Variants in CBX3 observed in about 807,000 individuals in gnomAD.
The protein encoded by CBX3 is chromobox 3, also known as chromobox protein homolog 3.
CBX3 carries 5 observed loss-of-function variants against 22.6 expected under a neutral mutation model. That is an observed-to-expected ratio of 0.22 (90% confidence interval 0.12 to 0.47). CBX3 has a LOEUF of 0.47. Ranked by LOEUF, CBX3 falls within the 20% of genes least tolerant of loss-of-function variation. The pLI is 0.99. For synonymous variants in CBX3, 50 were observed against 66.6 expected (o/e 0.75, Z 1.21); for missense variants, 83 against 208.1 (o/e 0.40, Z 3.70).
Position 26,208,421 on chromosome 7 carries a change from A to T in CBX3, c.196A>T (p.Asn66Tyr). 1 of 1,612,190 alleles carries T rather than the reference A, an allele frequency of 6.2e-7. No homozygotes were observed. Among genetic ancestry groups the T allele is most frequent in the Non-Finnish European group, 8.5e-7 (1 of 1,178,856 alleles). The change falls in exon 4 of 6, where the codon AAT (asparagine) becomes TAT (tyrosine). Residue 66 changes from asparagine (N) to tyrosine (Y), a missense_variant. Physicochemically the swap from Asn to Tyr is moderately radical, Grantham distance 143. Coordinates refer to ENST00000396386, the MANE Select transcript of CBX3 (RefSeq NM_016587.4). ...TGACAATACTTGGGAACCTGAAGAA[A>T]ATTTAGATTGTCCAGAATTGATTGA... ...DADNTWEPEENLDCPELIEAF... is the reference protein window; with the variant it reads ...DADNTWEPEEYLDCPELIEAF...
intron 5 of CBX3, 96 bp downstream of exon 5, chr7:26,211,852 C>G (rs1784808258): frequency 2.1e-6 from 2 of 947,096 alleles, no homozygotes; most frequent in Non-Finnish European, 3.2e-6. Flanking sequence ...GAAAAACTAT[C>G]TGCTGAGAGG....
intron 4 of CBX3, among the ~76,000 whole-genome samples, chr7:26,209,167 A>G (rs368669851): frequency 6.6e-6 from 1 of 152,006 alleles, no homozygotes; most frequent in African/African-American, 2.4e-5. Context: ...TCGGCCTCCC[A>G]GAGTGCTGGG....
intron 1 of CBX3, chr7:26,202,701 T>C (rs1784570999): frequency 4.9e-6 from 2 of 411,248 alleles, no homozygotes; most frequent in Non-Finnish European, 8.7e-6. Flanking sequence ...GGGACTTAGA[T>C]TGGAAAAGAC....
At chr7:26,203,463 C>T (rs940701321) in intron 2 of CBX3, among the ~76,000 whole-genome samples, 7 of 152,296 alleles carry the variant, frequency 4.6e-5, no homozygotes, top group Admixed American at 2.0e-4. Context: ...GTCATTGAAT[C>T]TTTCAAATTA....
chr7:26,211,726 G>A lies in CBX3; in HGVS notation c.395G>A (p.Ser132Asn). The change falls in exon 5 of 6, where the codon AGC becomes AAC. Residue 132 changes from serine (S) to asparagine (N), a missense_variant. Ser to Asn is a conservative substitution (Grantham distance 46, BLOSUM62 1). Around this residue, in one of 3 missense-constraint regions of CBX3, gnomAD observed 59 missense variants for 155.0 expected, o/e 0.38. Transcript: ENST00000396386. Reference protein sequence around the residue: ...DPERIIGATDSSGELMFLMKW... With the variant: ...DPERIIGATDNSGELMFLMKW... ...GAAAGAATAATTGGTGCCACAGACA[G>A]CAGTGGAGAATTGATGTTTCTCATG... 1 of 1,609,754 alleles carries A rather than the reference G, an allele frequency of 6.2e-7. No individual in the cohort carries two copies. The highest frequency in any genetic ancestry group is 1.1e-5 in the South Asian group (1 of 90,382).
chr7:26,207,064 ATACT>A (rs1230131522), intron 3 of CBX3, among the ~76,000 whole-genome samples: 4 of 152,182 alleles, frequency 2.6e-5, no homozygotes, highest in Non-Finnish European at 4.4e-5. Context: ...CAACAATTAC[ATACT>A]TTAACGCTTG....
In CBX3 at chr7:26,212,582, T is replaced by TTGTGTGTGTG. The variant is rs70943279; in HGVS notation, c.*396_*405dup. On this transcript the variant is annotated 3_prime_UTR_variant, in exon 6 of 6. Transcript: ENST00000396386. Reference sequence around the variant, plus strand: ...CCATTCTAGATTTATTACGTGTTTTTTGTGTGTGTGTGTGTGTGTGTGTGT... The same window carrying TTGTGTGTGTG: ...CCATTCTAGATTTATTACGTGTTTTTTGTGTGTGTGTGTGTGTGTGTGTGTGTGTGTGTGT... 2.2e-4 allele frequency: 24 copies of TTGTGTGTGTG among 109,144 alleles called. No homozygotes were observed. Among genetic ancestry groups the TTGTGTGTGTG allele is most frequent in the East Asian group, 1.4e-3 (5 of 3,632 alleles). The allele number at this position is 109,144 out of a possible 1,614,324, so 6.8% of individuals were successfully genotyped here.
Position 26,208,441 on chromosome 7 carries a change from G to A in CBX3, c.216G>A (p.Leu72=), listed in dbSNP as rs1258194910. Residue 72 remains leucine (L), a synonymous_variant, in exon 4 of 6, where the codon TTG becomes TTA. Transcript: ENST00000396386. ...AAGAAAATTTAGATTGTCCAGAATTGATTGAAGCGTTTCTTAACTCTCAGA... is the reference window on the plus strand; with the variant it reads ...AAGAAAATTTAGATTGTCCAGAATTAATTGAAGCGTTTCTTAACTCTCAGA... ...EPEENLDCPE[L]IEAFLNSQKA... is the part of the protein sequence containing the mutation. The A allele has an allele frequency of 6.2e-7, 1 of 1,613,512 alleles. No homozygotes were observed. The highest frequency in any genetic ancestry group is 8.5e-7 in the Non-Finnish European group (1 of 1,179,782).
chr7:26,206,306 C>T, intron 2 of CBX3, 62 bp from the exon 3 acceptor site: 1 of 1,164,820 alleles, frequency 8.6e-7, no homozygotes, highest in Non-Finnish European at 1.2e-6. Flanking sequence ...GCAATTGAGC[C>T]TTGAAAATGT....
chr7:26,208,948 T>G (rs989601659), intron 4 of CBX3, among the ~76,000 whole-genome samples: 1 of 130,342 alleles, frequency 7.7e-6, no homozygotes, highest in Non-Finnish European at 1.6e-5. Flanking sequence ...TTTTTTTTTT[T>G]TTTCCTGGGA....
At position 26,209,354 on chromosome 7, in the gene CBX3, T is replaced by C. The variant is rs573322129; in HGVS notation, c.330+799T>C. 2.0e-5 allele frequency among the ~76,000 whole-genome samples: 3 copies of C among 152,374 alleles called. No individual in the cohort carries two copies. In the East Asian group the frequency reaches 5.8e-4, roughly 29 times the overall value. On this transcript the variant is annotated intron_variant, in intron 4 of 5. Coordinates refer to ENST00000396386, the MANE Select transcript of CBX3 (RefSeq NM_016587.4). ...ATGTGCAGTAAGTGCTCATGCCACT[T>C]AGGTTGTGCTAGTGCAATTTTTCTT...
At chr7:26,212,017 G>T in intron 5 of CBX3, 65 bp from the exon 6 acceptor site, 1 of 1,381,202 alleles carries the variant, frequency 7.2e-7, no homozygotes, top group South Asian at 1.8e-5. Context: ...TTTCTTAAAT[G>T]AATGGCTGTC....
At chr7:26,208,004 A>C (rs576789570) in intron 3 of CBX3, 9 of 154,500 alleles carry the variant, frequency 5.8e-5, no homozygotes. Context: ...TGACACCAGG[A>C]ATTCAAGACC....
rs538561730 is a variant in CBX3, at chr7:26,206,468, A to G, written c.125A>G (p.Asn42Ser). The change falls in exon 3 of 6, where the codon AAT becomes AGT. Residue 42 changes from asparagine (N) to serine (S), a missense_variant. Physicochemically the swap from Asn to Ser is conservative, Grantham distance 46 (BLOSUM62 1). Transcript: ENST00000396386. ...VEKVLDRRVV[N>S]GKVEYFLKWK... is the part of the protein sequence containing the mutation. Reference sequence around the variant, plus strand: ...AAAGTACTAGATCGACGTGTAGTGAATGGGAAAGTGGAATATTTCCTGAAG... The same window carrying G: ...AAAGTACTAGATCGACGTGTAGTGAGTGGGAAAGTGGAATATTTCCTGAAG... 2.5e-6 allele frequency: 4 copies of G among 1,614,090 alleles called. No homozygotes were observed. The East Asian group carries it at 6.7e-5, about 27-fold the overall frequency.
chr7:26,204,258 T>C (rs1398153709), intron 2 of CBX3, among the ~76,000 whole-genome samples: 1 of 152,030 alleles, frequency 6.6e-6, no homozygotes, highest in Non-Finnish European at 1.5e-5. Context: ...CCTTAGTGTG[T>C]ATCCTTTTCA....
chr7:26,201,917 C>A (rs970995481), intron 1 of CBX3, 91 bp downstream of exon 1: 1 of 152,042 alleles, frequency 6.6e-6, no homozygotes, highest in Non-Finnish European at 1.5e-5. Flanking sequence ...CGCTCCCCTC[C>A]CCTCCCCTTC....
At chr7:26,202,787 T>G (rs758955502) in intron 1 of CBX3, 184 bp from the exon 2 acceptor site, 20 of 572,326 alleles carry the variant, frequency 3.5e-5, no homozygotes, top group Non-Finnish European at 4.9e-5. Context: ...TAGACTCACA[T>G]GGTTAGGACA....
At chr7:26,211,337 C>T (rs1784798978) in intron 4 of CBX3, among the ~76,000 whole-genome samples, 1 of 152,126 alleles carries the variant, frequency 6.6e-6, no homozygotes, top group Non-Finnish European at 1.5e-5. Context: ...AATATATTAA[C>T]TTTCAAGACT....
intron 2 of CBX3, among the ~76,000 whole-genome samples, chr7:26,204,902 G>T (rs1199732247): frequency 6.6e-6 from 1 of 152,090 alleles, no homozygotes; most frequent in East Asian, 1.9e-4. Flanking sequence ...CAGTTCTCCT[G>T]CCTCAGCCTC....
Sources: allele counts gnomAD v4.1 joint callset (sites outside exome capture counted in the v4.1 genomes callset), GRCh38; gene constraint gnomAD v4.1.1; regional missense constraint gnomAD v4.1.1; transcripts MANE v1.5; gene names NCBI Gene and HGNC (gene_info 2026-07-23, HGNC 2026-07-21).